RGS10: variants seen among roughly 807,000 people sequenced by gnomAD.
The protein encoded by RGS10 is regulator of G protein signaling 10.
In RGS10, 11 loss-of-function variants were observed where a neutral mutation model predicts 23.5. That is an observed-to-expected ratio of 0.47 (90% CI 0.29 to 0.77). The LOEUF (loss-of-function observed/expected upper bound fraction) is 0.77, where lower values mean the gene tolerates loss of function less well. RGS10 is among the 30% of genes least tolerant of loss of function. The probability of loss-of-function intolerance (pLI) is 0.08; values close to 1 mark genes in which losing one functional copy is unlikely to be tolerated. For synonymous variants in RGS10, 77 were observed against 83.2 expected (o/e 0.92, Z 0.41); for missense variants, 180 against 226.3 (o/e 0.80, Z 1.31).
intron 3 of RGS10, among the ~76,000 whole-genome samples, chr10:119,518,495 G>A (rs1050844466): frequency 4.6e-5 from 7 of 152,176 alleles, no homozygotes; most frequent in South Asian, 2.1e-4. Context: ...GCAGGTGCAC[G>A]ATCAGGAGAA....
intron 3 of RGS10, among the ~76,000 whole-genome samples, chr10:119,523,981 T>G (rs1227624001): frequency 2.0e-5 from 3 of 152,096 alleles, no homozygotes; most frequent in African/African-American, 7.2e-5. Context: ...TGGTCTTCCC[T>G]CAGCTCTTGT....
rs1844156293 is a variant in RGS10, at chr10:119,517,367, CA to C, written c.256-1716del. Among the ~76,000 whole-genome samples the C allele has an allele frequency of 6.6e-6, 1 of 152,184 alleles. No homozygotes were observed. The highest frequency in any genetic ancestry group is 1.5e-5 in the Non-Finnish European group (1 of 68,040). Reference sequence around the variant, plus strand: ...TGAATCGATGCCAGACTCAGTGACACAGGAGTCTCTCCAGACAAGCGTGGCT... The same window carrying C: ...TGAATCGATGCCAGACTCAGTGACACGGAGTCTCTCCAGACAAGCGTGGCT... On this transcript the variant is annotated intron_variant, in intron 3 of 4. Transcript: ENST00000369103. This position sits in a 1 kb window ranked among gnomAD's most constrained non-coding sequence, Gnocchi z 5.0.
Position 119,538,599 on chromosome 10 carries a change from T to TC in RGS10, c.49+3990dup. On this transcript the variant is annotated intron_variant, in intron 1 of 4. Coordinates refer to ENST00000369103, the MANE Select transcript of RGS10 (RefSeq NM_001005339.2). The surrounding 1 kb of genome is among the most constrained non-coding windows in gnomAD (Gnocchi z 4.5). ...GGGAAGGACTCAGTCAGATAAGGGG[T>TC]CCCCCACCAGGCAGTGGGGCAGCAA... 1.3e-5 allele frequency among the ~76,000 whole-genome samples: 2 copies of TC among 151,638 alleles called. No individual in the cohort carries two copies. The highest frequency in any genetic ancestry group is 4.2e-4 in the South Asian group (2 of 4,778).
intron 1 of RGS10, 85 bp downstream of exon 1, chr10:119,542,504 CG>C (rs1458508778): frequency 8.3e-7 from 1 of 1,209,734 alleles, no homozygotes; most frequent in African/African-American, 1.6e-5. Flanking sequence ...CACCGAGCCG[CG>C]CCCGAGCACA....
Position 119,537,334 on chromosome 10 carries a change from A to G in RGS10, c.49+5256T>C, listed in dbSNP as rs527992606. Among the ~76,000 whole-genome samples the G allele has an allele frequency of 2.0e-5, 3 of 148,800 alleles. No homozygotes were observed. In the East Asian group the frequency reaches 6.0e-4, roughly 30 times the overall value. ...GAGGTAGAGGTTGCCGTGAGCCGAG[A>G]TTGCGCCATTGCACTCCAGCGTGGG... On this transcript the variant is annotated intron_variant, in intron 1 of 4. Coordinates refer to ENST00000369103, the MANE Select transcript of RGS10 (RefSeq NM_001005339.2).
chr10:119,532,288 T>G (rs1844339887), intron 1 of RGS10, among the ~76,000 whole-genome samples: 1 of 152,136 alleles, frequency 6.6e-6, no homozygotes, highest in African/African-American at 2.4e-5. Context: ...GCATCTCTCT[T>G]TTCCAAGTCA....
intron 1 of RGS10, among the ~76,000 whole-genome samples, chr10:119,528,133 C>T (rs1029186608): frequency 5.9e-5 from 9 of 152,036 alleles, no homozygotes; most frequent in African/African-American, 1.2e-4. Flanking sequence ...TAGATTCAAG[C>T]GATTCTCCTG....
At chr10:119,520,642 C>T (rs913215983) in intron 3 of RGS10, among the ~76,000 whole-genome samples, 15 of 152,024 alleles carry the variant, frequency 9.9e-5, no homozygotes, top group Non-Finnish European at 1.6e-4. Context: ...AGACCCCCCG[C>T]GCCAGCAAAA....
intron 4 of RGS10, among the ~76,000 whole-genome samples, chr10:119,504,379 T>C (rs933299389): frequency 6.6e-6 from 1 of 152,178 alleles, no homozygotes; most frequent in Non-Finnish European, 1.5e-5. Flanking sequence ...TTTCACCACA[T>C]TGACCAGGCT....
intron 4 of RGS10, among the ~76,000 whole-genome samples, chr10:119,505,216 C>T (rs954697725): frequency 7.9e-5 from 12 of 151,858 alleles, no homozygotes; most frequent in African/African-American, 2.9e-4. Context: ...CAGGAGGCCG[C>T]AGGTGAGTGG....
chr10:119,500,096 C>T lies in RGS10; in HGVS notation c.*17G>A, dbSNP rs980644055. On this transcript the variant is annotated 3_prime_UTR_variant, in exon 5 of 5. Transcript: ENST00000369103. ...TCCTTTGCTTCTTAAAGCTGCCAGT[C>T]CCGGCTTTTTGGGGGCTCATGTGTT... 2 of 1,609,584 alleles carry T rather than the reference C, an allele frequency of 1.2e-6. No homozygotes were observed. Among genetic ancestry groups the T allele is most frequent in the African/African-American group, 1.3e-5 (1 of 74,572 alleles).
intron 1 of RGS10, among the ~76,000 whole-genome samples, chr10:119,535,989 CAG>C (rs2133961118): frequency 1.3e-5 from 2 of 152,294 alleles, no homozygotes; most frequent in African/African-American, 4.8e-5. Context: ...AATTTAGAAT[CAG>C]AGAGTCATTT....
Position 119,515,541 on chromosome 10 carries a change from G to A in RGS10, c.367C>T (p.His123Tyr). Residue 123 changes from histidine (H) to tyrosine (Y), a missense_variant, in exon 4 of 5, where the codon CAC becomes TAC. By Grantham distance (83) the His-to-Tyr change is moderately conservative. Coordinates refer to ENST00000369103, the MANE Select transcript of RGS10 (RefSeq NM_001005339.2). ...TGGAGTTTCTGGAACATCAGAGGGTGCGGTTCTTCCAGGATCTTCTCGTTG... is the reference window on the plus strand; with the variant it reads ...TGGAGTTTCTGGAACATCAGAGGGTACGGTTCTTCCAGGATCTTCTCGTTG... ...RLNEKILEEP[H>Y]PLMFQKLQDQ... is the part of the protein sequence containing the mutation. 6.2e-7 allele frequency: 1 copy of A among 1,614,188 alleles called. No homozygotes were observed. The highest frequency in any genetic ancestry group is 8.5e-7 in the Non-Finnish European group (1 of 1,180,034).
At position 119,542,615 on chromosome 10, in the gene RGS10, C is replaced by T; in HGVS notation, c.24G>A (p.Arg8=). The change falls in exon 1 of 5, where the codon CGG becomes CGA. Residue 8 remains arginine (R), a synonymous_variant. Transcript: ENST00000369103. ...CTGACGGCGGCCGCTTCCTGCTCAGCCGGCTCACGGCGCGGTTGAACATCG... is the reference window on the plus strand; with the variant it reads ...CTGACGGCGGCCGCTTCCTGCTCAGTCGGCTCACGGCGCGGTTGAACATCG... MFNRAVS[R]LSRKRPPSDI... The T allele has an allele frequency of 1.4e-6, 2 of 1,425,514 alleles. No homozygotes were observed. The highest frequency in any genetic ancestry group is 1.4e-5 in the South Asian group (1 of 71,918). 88.3% of individuals were successfully genotyped at this position (1,425,514 alleles called of 1,614,324 possible).
At chr10:119,518,825 C>T (rs892149882) in intron 3 of RGS10, among the ~76,000 whole-genome samples, 1 of 152,050 alleles carries the variant, frequency 6.6e-6, no homozygotes, top group African/African-American at 2.4e-5. Flanking sequence ...CTGCTTCAAC[C>T]TCCCAAGTAG....
At chr10:119,509,934 G>T (rs367834803) in intron 4 of RGS10, among the ~76,000 whole-genome samples, 66 of 149,540 alleles carry the variant, frequency 4.4e-4, no homozygotes, top group African/African-American at 1.4e-3. Context: ...TATCCAGGGA[G>T]TGATGGGCAG....
chr10:119,516,733 T>G (rs537608938), intron 3 of RGS10, among the ~76,000 whole-genome samples: 1 of 152,246 alleles, frequency 6.6e-6, no homozygotes, highest in African/African-American at 2.4e-5. Flanking sequence ...TCAGGAGCAC[T>G]CACTGATGGT....
intron 1 of RGS10, among the ~76,000 whole-genome samples, chr10:119,536,209 C>A (rs1844385819): frequency 6.6e-6 from 1 of 152,174 alleles, no homozygotes; most frequent in Non-Finnish European, 1.5e-5. Context: ...TTTCAATAAT[C>A]ATAGTAATAG....
intron 1 of RGS10, among the ~76,000 whole-genome samples, chr10:119,540,575 A>T (rs1301460177): frequency 6.6e-6 from 1 of 152,212 alleles, no homozygotes; most frequent in Non-Finnish European, 1.5e-5. Flanking sequence ...TCTGTCAGTG[A>T]TGTAACCACA....
Sources: gnomAD v4.1 joint callset for allele counts (sites outside exome capture counted in the v4.1 genomes callset) on GRCh38, gnomAD v4.1.1 for gene constraint, Gnocchi (gnomAD v3.1) non-coding constraint, MANE v1.5 for transcripts, NCBI Gene and HGNC (gene_info 2026-07-23, HGNC 2026-07-21) for gene names.